ADGRF1: variants seen among roughly 807,000 people sequenced by gnomAD.
ADGRF1 encodes the protein adhesion G protein-coupled receptor F1, also known as G protein-coupled receptor 110.
ADGRF1 carries 85 observed loss-of-function variants against 87.2 expected under a neutral mutation model. The ratio of observed to expected loss-of-function variants is 0.97; its 90% confidence interval spans 0.82 to 1.17. ADGRF1 has a LOEUF of 1.17. Ranked by LOEUF, ADGRF1 falls within the 50% of genes most tolerant of loss-of-function variation. ADGRF1 has a pLI of 0.00. For missense variants in ADGRF1, 1,169 were observed against 1,077.2 expected (o/e 1.09, Z -1.19); for synonymous variants, 430 against 408.8 (o/e 1.05, Z -0.63).
At chr6:47,029,984 A>G (rs1461388123) in intron 1 of ADGRF1, among the ~76,000 whole-genome samples, 2 of 152,232 alleles carry the variant, frequency 1.3e-5, no homozygotes. Context: ...ACAGGAGAAG[A>G]TGAGAAAGTT....
At position 47,029,110 on chromosome 6, in the gene ADGRF1, C is replaced by T. The variant is rs1466020904; in HGVS notation, c.-43-6G>A. The T allele has an allele frequency of 4.8e-6, 7 of 1,463,778 alleles. No individual in the cohort carries two copies. Among genetic ancestry groups the T allele is most frequent in the Non-Finnish European group, 6.7e-6 (7 of 1,043,232 alleles). The allele number at this position is 1,463,778 out of a possible 1,614,324, so 90.7% of individuals were successfully genotyped here. On this transcript the variant is annotated splice_region_variant and splice_polypyrimidine_tract_variant and intron_variant, in intron 1 of 14. Transcript: ENST00000371253. The stretch of plus-strand genomic sequence containing the variant: ...GTCGGGTGCATAGTCTGTGACTAAA[C>T]AAGCAGGGTACCAGGTAAGGTAGAG...
At chr6:47,029,313 T>C (rs1053502048) in intron 1 of ADGRF1, among the ~76,000 whole-genome samples, 5 of 152,058 alleles carry the variant, frequency 3.3e-5, no homozygotes, top group African/African-American at 1.2e-4. Flanking sequence ...ACTAGAAAAC[T>C]GCTCTAGAGC....
intron 12 of ADGRF1, among the ~76,000 whole-genome samples, chr6:47,006,818 G>C (rs1289098625): frequency 6.6e-6 from 1 of 152,042 alleles, no homozygotes; most frequent in African/African-American, 2.4e-5. Flanking sequence ...TAGAATAATA[G>C]TCTGTGAGAG....
chr6:47,009,119 C>T lies in ADGRF1; in HGVS notation c.2316G>A (p.Pro772=), dbSNP rs182593734. 1.7e-5 allele frequency: 28 copies of T among 1,614,098 alleles called. No individual in the cohort carries two copies. The East Asian group carries it at 2.2e-4, about 13-fold the overall frequency. The change falls in exon 11 of 15, where the codon CCG becomes CCA. Residue 772 remains proline, a synonymous_variant. Coordinates refer to ENST00000371253, the MANE Select transcript of ADGRF1 (RefSeq NM_153840.4). ...CCCGACTCAGTCTTTCCCCAACAGT[C>T]GGCCTCCAGAGCTTTGTGAGAACTA... ...VLLVLTKLWR[P]TVGERLSRDD...
intron 9 of ADGRF1, chr6:47,013,703 C>T (rs1410461428): frequency 5.2e-6 from 5 of 965,792 alleles, no homozygotes; most frequent in African/African-American, 3.5e-5. Context: ...AATCTTATGT[C>T]GAGTTATAAT....
chr6:47,009,030 A>G lies in ADGRF1; in HGVS notation c.2405T>C (p.Leu802Pro), dbSNP rs1372245804. ...TGTTCCTATTCCAAAGCCCCAGGTG[A>G]GCCCTAGCAGAGGGGTCAGAATGAG... ...SLLILTPLLG[L>P]TWGFGIGTIV... is the part of the protein sequence containing the mutation. The change falls in exon 11 of 15, where the codon CTC becomes CCC. Residue 802 changes from leucine (L) to proline (P), a missense_variant. Leu to Pro is a moderately conservative substitution (Grantham distance 98). Coordinates refer to ENST00000371253, the MANE Select transcript of ADGRF1 (RefSeq NM_153840.4). 2 of 1,613,914 alleles carry G rather than the reference A, an allele frequency of 1.2e-6. No individual in the cohort carries two copies. The highest frequency in any genetic ancestry group is 1.1e-5 in the South Asian group (1 of 91,072).
intron 5 of ADGRF1, among the ~76,000 whole-genome samples, chr6:47,022,714 G>A (rs982839956): frequency 1.3e-5 from 2 of 151,838 alleles, no homozygotes; most frequent in Non-Finnish European, 1.5e-5. Flanking sequence ...CTCCTCATAA[G>A]TGTCATCCCT....
At chr6:47,022,466 G>A (rs141480991) in intron 5 of ADGRF1, among the ~76,000 whole-genome samples, 3 of 152,284 alleles carry the variant, frequency 2.0e-5, no homozygotes, top group African/African-American at 4.8e-5. Flanking sequence ...CCCATTGCCA[G>A]TACTTCTCTG....
In ADGRF1 at chr6:47,027,725, CAAT is replaced by C. The variant is rs747420816; in HGVS notation, c.103_105del (p.Ile35del). The C allele has an allele frequency of 8.7e-6, 14 of 1,604,238 alleles. No homozygotes were observed. Among genetic ancestry groups the C allele is most frequent in the Non-Finnish European group, 1.2e-5 (14 of 1,171,414 alleles). On this transcript the variant is annotated inframe_deletion, in exon 3 of 15. Transcript: ENST00000371253. The stretch of plus-strand genomic sequence containing the variant: ...TCACCTAGATGTTTTTTCTTATTCA[CAAT>C]GAGTTCTTTTTTTGTTTTGATGCCA...
rs1208430940 is a variant in ADGRF1 at position 47,029,002 on chromosome 6, G to A, written c.60C>T (p.Gly20=). 6.2e-7 allele frequency: 1 copy of A among 1,613,870 alleles called. No homozygotes were observed. The highest frequency in any genetic ancestry group is 1.1e-5 in the South Asian group (1 of 91,066). ...SFFTFTDGHG[G]FLGKNDGIKT... is the part of the protein sequence containing the mutation. ...CATAGCACCAACTCACCCCCAGGAA[G>A]CCACCGTGGCCGTCAGTGAAGGTGA... The change falls in exon 2 of 15, where the codon GGC becomes GGT. Residue 20 remains glycine (G), a synonymous_variant. Coordinates refer to ENST00000371253, the MANE Select transcript of ADGRF1 (RefSeq NM_153840.4).
Position 47,014,732 on chromosome 6 carries a change from C to T in ADGRF1, c.876G>A (p.Trp292Ter), listed in dbSNP as rs1188417148. 13 of 1,613,872 alleles carry T rather than the reference C, an allele frequency of 8.1e-6. No individual in the cohort carries two copies. Among genetic ancestry groups the T allele is most frequent in the Admixed American group, 6.7e-5 (4 of 60,004 alleles). The change falls in exon 9 of 15, where the codon TGG becomes TGA. Residue 292 changes from tryptophan (W) to a stop codon, truncating the protein, a stop_gained. Transcript: ENST00000371253. LOFTEE classifies it high-confidence loss of function. ...NITAKCESSG[W>*]QVIRETCVLS... is the part of the protein sequence containing the mutation. The stretch of plus-strand genomic sequence containing the variant: ...GCACACAAGTCTCCCTGATGACCTG[C>T]CACCCAGAGGACTCACACTTGGCTG...
intron 8 of ADGRF1, 115 bp from the exon 9 acceptor site, chr6:47,014,959 G>C (rs1437443923): frequency 7.4e-7 from 1 of 1,358,960 alleles, no homozygotes; most frequent in African/African-American, 1.5e-5. Flanking sequence ...ATGAAATCCA[G>C]GCAAAATTCA....
chr6:47,019,881 A>C, intron 7 of ADGRF1: 1 of 985,030 alleles, frequency 1.0e-6, no homozygotes, highest in Non-Finnish European at 1.2e-6. Flanking sequence ...GCATAAACAA[A>C]AGGATAATTT....
chr6:47,007,421 T>C (rs963796315), intron 11 of ADGRF1, 127 bp from the exon 12 acceptor site: 4 of 558,898 alleles, frequency 7.2e-6, no homozygotes, highest in South Asian at 5.7e-5. Flanking sequence ...CTTAAGAGAC[T>C]GTAGTCTCCT....
chr6:47,032,214 C>T (rs1266288798), intron 1 of ADGRF1, among the ~76,000 whole-genome samples: 1 of 152,178 alleles, frequency 6.6e-6, no homozygotes, highest in Non-Finnish European at 1.5e-5. Context: ...ATTTCTCCAC[C>T]TAGCCTGGTC....
At chr6:47,008,412 G>A (rs1209034861) in intron 11 of ADGRF1, among the ~76,000 whole-genome samples, 1 of 152,184 alleles carries the variant, frequency 6.6e-6, no homozygotes, top group Non-Finnish European at 1.5e-5. Context: ...GGCTTTGCGG[G>A]CTATACGGTT....
At position 47,021,986 on chromosome 6, in the gene ADGRF1, G is replaced by A; in HGVS notation, c.524C>T (p.Ser175Phe). 1 of 1,588,746 alleles carries A rather than the reference G, an allele frequency of 6.3e-7. No homozygotes were observed. The highest frequency in any genetic ancestry group is 8.6e-7 in the Non-Finnish European group (1 of 1,165,866). The stretch of plus-strand genomic sequence containing the variant: ...AATTTCAATTCCATTTGCATATTTG[G>A]AGTATATAGCAGAAGATGAATTCAA... ...DLLNSSSAIYSKYANGIEIQL... is the reference protein window; with the variant it reads ...DLLNSSSAIYFKYANGIEIQL... The change falls in exon 6 of 15, where the codon TCC becomes TTC. Residue 175 changes from serine to phenylalanine, a missense_variant. Physicochemically the swap from Ser to Phe is radical, Grantham distance 155 (BLOSUM62 -2). Transcript: ENST00000371253.
At chr6:47,033,015 A>G (rs1329417292) in intron 1 of ADGRF1, among the ~76,000 whole-genome samples, 1 of 152,160 alleles carries the variant, frequency 6.6e-6, no homozygotes, top group Non-Finnish European at 1.5e-5. Context: ...ACCCCATGGT[A>G]TTTTCATCGC....
At chr6:47,021,696 A>G (rs1472481991) in intron 6 of ADGRF1, among the ~76,000 whole-genome samples, 2 of 152,174 alleles carry the variant, frequency 1.3e-5, no homozygotes, top group African/African-American at 4.8e-5. Flanking sequence ...AAAAGAGAAA[A>G]TAATCAAGAA....
Sources: gnomAD v4.1 joint callset for allele counts (sites outside exome capture counted in the v4.1 genomes callset) on GRCh38, gnomAD v4.1.1 for gene constraint, MANE v1.5 for transcripts, NCBI Gene and HGNC (gene_info 2026-07-23, HGNC 2026-07-21) for gene names.